ZNF713: variants seen among roughly 807,000 people sequenced by gnomAD.
The protein encoded by ZNF713 is zinc finger protein 713.
Under a neutral mutation model 28.7 loss-of-function variants are expected in ZNF713, and 21 were observed. That is an observed-to-expected ratio of 0.73 (90% CI 0.52 to 1.05). The LOEUF is 1.05. ZNF713 is among the 50% of genes least tolerant of loss of function. ZNF713 has a pLI of 0.00. For missense variants in ZNF713, 458 were observed against 532.4 expected (o/e 0.86, Z 1.37); for synonymous variants, 167 against 178.0 (o/e 0.94, Z 0.49).
chr7:55,930,488 A>G (rs899616128), intron 6 of ZNF713, among the ~76,000 whole-genome samples: 21 of 152,276 alleles, frequency 1.4e-4, no homozygotes, highest in African/African-American at 5.1e-4. Flanking sequence ...TTGTAAATAA[A>G]GTTTTATGGG....
chr7:55,923,397 A>C, intron 5 of ZNF713, 109 bp downstream of exon 5: 1 of 1,418,472 alleles, frequency 7.0e-7, no homozygotes, highest in South Asian at 1.4e-5. Context: ...GGGATAGAAG[A>C]ATGCTAATCA....
chr7:55,931,758 C>A (rs1442946320), intron 6 of ZNF713, among the ~76,000 whole-genome samples: 2 of 152,168 alleles, frequency 1.3e-5, no homozygotes, highest in East Asian at 3.9e-4. Flanking sequence ...CAAGGCATGC[C>A]CTGGTGCGGA....
intron 4 of ZNF713, among the ~76,000 whole-genome samples, chr7:55,919,696 T>C (rs1785956800): frequency 6.6e-6 from 1 of 151,752 alleles, no homozygotes; most frequent in Non-Finnish European, 1.5e-5. Context: ...TTTACACTTT[T>C]TATTGAAGTA....
intron 1 of ZNF713, among the ~76,000 whole-genome samples, chr7:55,894,840 CATG>C (rs1429872705): frequency 6.6e-6 from 1 of 151,948 alleles, no homozygotes; most frequent in African/African-American, 2.4e-5. Context: ...TGTTTTCTGT[CATG>C]AAGTGAGATC....
At chr7:55,902,997 A>C (rs1785606197) in intron 1 of ZNF713, among the ~76,000 whole-genome samples, 1 of 135,316 alleles carries the variant, frequency 7.4e-6, no homozygotes, top group Non-Finnish European at 1.7e-5. Flanking sequence ...CCGTCTCAAA[A>C]AAAAAAAAAA....
intron 4 of ZNF713, among the ~76,000 whole-genome samples, chr7:55,915,527 C>T (rs1159464072): frequency 6.6e-6 from 1 of 152,010 alleles, no homozygotes; most frequent in Non-Finnish European, 1.5e-5. Context: ...AAACAGGGTG[C>T]TATGAATACA....
rs145186282 is a variant in ZNF713, at chr7:55,917,670, A to C, written c.87+4947A>C. ...CAGTAAGCCATGTTTGCACCACTGCACTCCAGCCTGGGTGACAGAGTGAGA... is the reference window on the plus strand; with the variant it reads ...CAGTAAGCCATGTTTGCACCACTGCCCTCCAGCCTGGGTGACAGAGTGAGA... On this transcript the variant is annotated intron_variant, in intron 4 of 6. Transcript: ENST00000429591. 3.6e-3 allele frequency among the ~76,000 whole-genome samples: 546 copies of C among 151,348 alleles called. 4 individuals are homozygous for C. Among genetic ancestry groups the C allele is most frequent in the African/African-American group, 0.013 (519 of 41,166 alleles).
At chr7:55,909,838 A>G (rs1785751310) in intron 2 of ZNF713, among the ~76,000 whole-genome samples, 1 of 152,104 alleles carries the variant, frequency 6.6e-6, no homozygotes, top group African/African-American at 2.4e-5. Context: ...GCTATTGTAA[A>G]TGGGATTTGC....
intron 2 of ZNF713, among the ~76,000 whole-genome samples, chr7:55,908,332 G>A (rs113704758): frequency 1.3e-5 from 2 of 151,762 alleles, no homozygotes; most frequent in Admixed American, 6.6e-5. Context: ...TAGTAGAGAC[G>A]GGGTTTCACC....
In ZNF713 at chr7:55,939,539, G is replaced by A. The variant is rs141065239; in HGVS notation, c.865G>A (p.Asp289Asn). 1.2e-6 allele frequency: 2 copies of A among 1,613,638 alleles called. No individual in the cohort carries two copies. Among genetic ancestry groups the A allele is most frequent in the African/African-American group, 2.7e-5 (2 of 74,884 alleles). The change falls in exon 7 of 7, where the codon GAT becomes AAT. Residue 289 changes from aspartate to asparagine, a missense_variant. Asp to Asn is a conservative substitution (Grantham distance 23). Coordinates refer to ENST00000429591, the MANE Select transcript of ZNF713 (RefSeq NM_182633.3). The stretch of plus-strand genomic sequence containing the variant: ...TACAGGAGAGAAGCCCTATAAGTGT[G>A]ATGAATGTGGAAAAAGATTCAGCCA... ...LLTGEKPYKC[D>N]ECGKRFSQRI...
intron 4 of ZNF713, among the ~76,000 whole-genome samples, chr7:55,913,920 G>A (rs904719111): frequency 6.6e-6 from 1 of 152,110 alleles, no homozygotes; most frequent in African/African-American, 2.4e-5. Context: ...AGACCAGCTT[G>A]ACTAATATGG....
Position 55,919,490 on chromosome 7 carries a change from G to GT in ZNF713, c.88-3639dup, listed in dbSNP as rs55656709. 5.8e-4 allele frequency among the ~76,000 whole-genome samples: 39 copies of GT among 66,768 alleles called. 3 individuals carry two copies. Among genetic ancestry groups the GT allele is most frequent in the Middle Eastern group, 7.0e-3 (1 of 142 alleles). 43.8% of individuals were successfully genotyped at this position (66,768 alleles called of 152,430 possible). A position where few individuals can be genotyped will look rare whatever the true frequency, so the allele number is the denominator to read the frequency against. On this transcript the variant is annotated intron_variant, in intron 4 of 6. Coordinates refer to ENST00000429591, the MANE Select transcript of ZNF713 (RefSeq NM_182633.3). Reference sequence around the variant, plus strand: ...GCTGGATAAATTGGTAAACACTCCAGTTTTTTTTTTTTTTTTTTTTTTTTT... The same window carrying GT: ...GCTGGATAAATTGGTAAACACTCCAGTTTTTTTTTTTTTTTTTTTTTTTTTT...
chr7:55,895,335 C>T lies in ZNF713; in HGVS notation c.-583+7655C>T, dbSNP rs959491395. Among the ~76,000 whole-genome samples the T allele has an allele frequency of 5.9e-5, 9 of 151,734 alleles. No individual in the cohort carries two copies. The East Asian group carries it at 9.7e-4, about 16-fold the overall frequency. On this transcript the variant is annotated intron_variant, in intron 1 of 6. Coordinates refer to ENST00000429591, the MANE Select transcript of ZNF713 (RefSeq NM_182633.3). ...GAACGAGGGAGCTCAGGATGCCATT[C>T]GGGTTTCAGGCTTGGTGTTGCTATT... is the stretch of plus-strand genomic sequence containing the variant.
intron 4 of ZNF713, among the ~76,000 whole-genome samples, chr7:55,913,257 A>C (rs1785820857): frequency 7.8e-6 from 1 of 128,428 alleles, no homozygotes; most frequent in South Asian, 2.4e-4. Flanking sequence ...GCTGGAGTGC[A>C]GTGGCACGAT....
chr7:55,891,730 A>C (rs1410522233), intron 1 of ZNF713, among the ~76,000 whole-genome samples: 3 of 151,588 alleles, frequency 2.0e-5, no homozygotes, highest in Middle Eastern at 7.0e-3. Context: ...ACATCTGAGT[A>C]TATAAACGCC....
intron 1 of ZNF713, among the ~76,000 whole-genome samples, chr7:55,905,205 G>C (rs534375627): frequency 2.0e-5 from 3 of 152,190 alleles, no homozygotes; most frequent in Admixed American, 6.5e-5. Flanking sequence ...GAAATGAAAG[G>C]TTCCAGTAGT....
At chr7:55,907,831 A>G (rs572749945) in intron 2 of ZNF713, among the ~76,000 whole-genome samples, 2 of 152,224 alleles carry the variant, frequency 1.3e-5, no homozygotes, top group Middle Eastern at 3.4e-3. Flanking sequence ...TGTTGTATAT[A>G]TGTTACATTT....
rs1786428130 is a variant in ZNF713, at chr7:55,939,828, T to G, written c.1154T>G (p.Leu385Arg). ...AAAGCCTTCAGTCAGAGGACACATC[T>G]GAATCAACATGAAAGAACTCATACA... ...CGKAFSQRTH[L>R]NQHERTHTGE... The change falls in exon 7 of 7, where the codon CTG becomes CGG. Residue 385 changes from leucine (L) to arginine (R), a missense_variant. Transcript: ENST00000429591. 1 of 1,614,024 alleles carries G rather than the reference T, an allele frequency of 6.2e-7. No individual in the cohort carries two copies. The highest frequency in any genetic ancestry group is 1.3e-5 in the African/African-American group (1 of 74,880).
intron 6 of ZNF713, among the ~76,000 whole-genome samples, chr7:55,927,933 G>A (rs1786134535): frequency 7.8e-6 from 1 of 128,160 alleles, no homozygotes; most frequent in Admixed American, 8.4e-5. Flanking sequence ...CACAAGAGAT[G>A]GAGCAAGGTT....
Sources: gnomAD v4.1 joint callset for allele counts (sites outside exome capture counted in the v4.1 genomes callset) on GRCh38, gnomAD v4.1.1 for gene constraint, MANE v1.5 for transcripts, NCBI Gene and HGNC (gene_info 2026-07-23, HGNC 2026-07-21) for gene names.